Variants in PCDH15 observed in about 807,000 individuals in gnomAD.
PCDH15 encodes protocadherin-15.
Under a neutral mutation model 178.5 loss-of-function variants are expected in PCDH15, and 129 were observed. The ratio of observed to expected loss-of-function variants is 0.72; its 90% confidence interval spans 0.63 to 0.84. The LOEUF (loss-of-function observed/expected upper bound fraction) is 0.84, where lower values mean the gene tolerates loss of function less well. PCDH15 is among the 40% of genes least tolerant of loss of function. The pLI is 0.00. For synonymous variants in PCDH15, 800 were observed against 732.0 expected (o/e 1.09, Z -1.50); for missense variants, 2,230 against 2,099.9 (o/e 1.06, Z -1.21).
intron 2 of PCDH15, among the ~76,000 whole-genome samples, chr10:55,545,657 C>T (rs914830300): frequency 2.0e-5 from 3 of 152,058 alleles, no homozygotes; most frequent in African/African-American, 7.2e-5. Flanking sequence ...GTGATCCGCC[C>T]GCCTCAGCCT....
intron 32 of PCDH15, among the ~76,000 whole-genome samples, chr10:53,824,742 G>A (rs558744362): frequency 4.6e-5 from 7 of 151,668 alleles, no homozygotes; most frequent in Non-Finnish European, 1.0e-4. Flanking sequence ...ATTTGTTCGT[G>A]GTTTGATTTC....
At chr10:55,529,546 T>G (rs990658957) in intron 2 of PCDH15, among the ~76,000 whole-genome samples, 1 of 151,556 alleles carries the variant, frequency 6.6e-6, no homozygotes, top group African/African-American at 2.4e-5. Flanking sequence ...AAATTACAGT[T>G]TATTTACAAA....
chr10:54,777,183 TG>T (rs1949801499), intron 1 of PCDH15, among the ~76,000 whole-genome samples: 1 of 152,180 alleles, frequency 6.6e-6, no homozygotes, highest in Non-Finnish European at 1.5e-5. Flanking sequence ...GAATCAGCAC[TG>T]TGAGCTGTCC....
At chr10:53,960,941 T>C (rs1324994515) in intron 22 of PCDH15, among the ~76,000 whole-genome samples, 2 of 152,204 alleles carry the variant, frequency 1.3e-5, no homozygotes, top group African/African-American at 4.8e-5. Context: ...CTTATGGTAA[T>C]GCAAATTATT....
chr10:53,952,321 C>G (rs1362401166), intron 23 of PCDH15, among the ~76,000 whole-genome samples: 1 of 152,170 alleles, frequency 6.6e-6, no homozygotes, highest in East Asian at 1.9e-4. Flanking sequence ...CATTGAGCAA[C>G]AGTACATCTC....
chr10:55,090,297 A>G (rs947009978), intron 2 of PCDH15, among the ~76,000 whole-genome samples: 1 of 152,038 alleles, frequency 6.6e-6, no homozygotes, highest in African/African-American at 2.4e-5. Context: ...GAATTATACA[A>G]TATTCATTTC....
At chr10:54,692,020 CA>C (rs1192108901) in intron 1 of PCDH15, among the ~76,000 whole-genome samples, 2 of 152,018 alleles carry the variant, frequency 1.3e-5, no homozygotes, top group African/African-American at 4.8e-5. Flanking sequence ...AATTATATTC[CA>C]GAGCTGATAA....
chr10:53,940,037 G>A (rs10825168), intron 24 of PCDH15, among the ~76,000 whole-genome samples: 12,964 of 152,136 alleles, frequency 0.085, 1,267 homozygotes, highest in East Asian at 0.25. Context: ...GCAATACCTA[G>A]TAATAGTTTG....
chr10:54,815,630 C>T (rs952250975), intron 3 of PCDH15, among the ~76,000 whole-genome samples: 1 of 151,894 alleles, frequency 6.6e-6, no homozygotes, highest in Non-Finnish European at 1.5e-5. Flanking sequence ...AATGCAATAC[C>T]CAAACCGTGA....
At position 54,030,169 on chromosome 10, in the gene PCDH15, A is replaced by G. The variant is rs2093251758; in HGVS notation, c.2221-6972T>C. Among the ~76,000 whole-genome samples the G allele has an allele frequency of 3.3e-5, 5 of 152,082 alleles. 1 individual carries two copies. The South Asian group carries it at 1.0e-3, about 31-fold the overall frequency. ...GTAGCACCTAATTGGCCCAGTGTGAAGCTGAGAGAGTGCTTTGCTCTACCT... is the reference window on the plus strand; with the variant it reads ...GTAGCACCTAATTGGCCCAGTGTGAGGCTGAGAGAGTGCTTTGCTCTACCT... On this transcript the variant is annotated intron_variant, in intron 18 of 37. Coordinates refer to ENST00000644397, the MANE Select transcript of PCDH15 (RefSeq NM_001384140.1).
intron 3 of PCDH15, among the ~76,000 whole-genome samples, chr10:54,438,577 C>T (rs112038441): frequency 0.027 from 4,171 of 152,114 alleles, 189 homozygotes; most frequent in African/African-American, 0.095. Context: ...GCTGCCTCAA[C>T]GAGCATGTAG....
intron 2 of PCDH15, among the ~76,000 whole-genome samples, chr10:54,557,410 C>G (rs2087444787): frequency 6.6e-6 from 1 of 152,080 alleles, no homozygotes; most frequent in Non-Finnish European, 1.5e-5. Context: ...ATGATTTGGG[C>G]ACATTTCCCC....
intron 3 of PCDH15, among the ~76,000 whole-genome samples, chr10:54,490,677 G>A (rs956563044): frequency 4.6e-5 from 7 of 152,030 alleles, no homozygotes; most frequent in Admixed American, 6.6e-5. Flanking sequence ...GAATCAGAAT[G>A]TCTGAAGTAG....
At chr10:55,451,753 C>T (rs1170790892) in intron 2 of PCDH15, among the ~76,000 whole-genome samples, 1 of 152,104 alleles carries the variant, frequency 6.6e-6, no homozygotes, top group African/African-American at 2.4e-5. Context: ...TCTGAGTTGA[C>T]ATCTATATTA....
chr10:54,839,514 C>A (rs151338460), intron 3 of PCDH15, among the ~76,000 whole-genome samples: 1 of 151,986 alleles, frequency 6.6e-6, no homozygotes, highest in Admixed American at 6.6e-5. Flanking sequence ...TTAGAGGATC[C>A]ATGGACAGCA....
At chr10:54,222,497 C>G (rs2052953191) in intron 9 of PCDH15, among the ~76,000 whole-genome samples, 1 of 152,172 alleles carries the variant, frequency 6.6e-6, no homozygotes, top group African/African-American at 2.4e-5. Flanking sequence ...CTCCAAGTTG[C>G]TGTGTATCAA....
chr10:55,222,410 A>G (rs540163474), intron 1 of PCDH15, among the ~76,000 whole-genome samples: 2 of 152,062 alleles, frequency 1.3e-5, no homozygotes, highest in African/African-American at 4.8e-5. Context: ...ACTTGCATTT[A>G]ATATATATCT....
chr10:54,026,201 T>A (rs905168263), intron 18 of PCDH15, among the ~76,000 whole-genome samples: 1 of 152,018 alleles, frequency 6.6e-6, no homozygotes, highest in African/African-American at 2.4e-5. Context: ...CCTGCGCAGC[T>A]GGCACTACAA....
At chr10:53,895,346 A>G (rs1169114950) in intron 26 of PCDH15, among the ~76,000 whole-genome samples, 2 of 152,176 alleles carry the variant, frequency 1.3e-5, no homozygotes, top group Non-Finnish European at 2.9e-5. Flanking sequence ...AAAATGTAAT[A>G]AACAATCAGC....
Sources: gnomAD v4.1 joint callset for allele counts (sites outside exome capture counted in the v4.1 genomes callset) on GRCh38, gnomAD v4.1.1 for gene constraint, MANE v1.5 for transcripts, NCBI Gene and HGNC (gene_info 2026-07-23, HGNC 2026-07-21) for gene names.